Variants in FGGY observed in about 807,000 individuals in gnomAD.
FGGY encodes FGGY carbohydrate kinase domain containing, also known as FGGY carbohydrate kinase domain-containing protein.
A neutral mutation model predicts 71.3 loss-of-function variants in FGGY; 72 were observed. The observed-to-expected ratio is 1.01, with a 90% CI of 0.84 to 1.23. The LOEUF is 1.23. FGGY is among the 50% of genes most tolerant of loss of function. The probability of loss-of-function intolerance (pLI) is 0.00; values close to 1 mark genes in which losing one functional copy is unlikely to be tolerated. For synonymous variants in FGGY, 251 were observed against 250.3 expected, an observed-to-expected ratio of 1.00 and a Z score of -0.02; for missense variants, 668 against 682.3, an observed-to-expected ratio of 0.98 and a Z score of 0.23.
intron 7 of FGGY, among the ~76,000 whole-genome samples, chr1:59,531,961 A>G (rs2095156801): frequency 6.6e-6 from 1 of 152,230 alleles, no homozygotes; most frequent in Non-Finnish European, 1.5e-5. Flanking sequence ...AGTTATAACT[A>G]AAAGGTTTCA....
At chr1:59,710,366 C>A in intron 14 of FGGY, among the ~76,000 whole-genome samples, 1 of 152,102 alleles carries the variant, frequency 6.6e-6, no homozygotes. Flanking sequence ...CTAGGCAATA[C>A]CATTCAGGAC....
At chr1:59,356,712 G>T (rs2054385095) in intron 4 of FGGY, among the ~76,000 whole-genome samples, 1 of 152,146 alleles carries the variant, frequency 6.6e-6, no homozygotes, top group Non-Finnish European at 1.5e-5. Context: ...AAGGTTCACT[G>T]TATGCCCAAC....
chr1:59,668,214 G>T (rs1016356952), intron 13 of FGGY, among the ~76,000 whole-genome samples: 8 of 152,260 alleles, frequency 5.3e-5, no homozygotes, highest in Non-Finnish European at 1.2e-4. Context: ...TTCTGTTGTC[G>T]CAGAGAGTGG....
intron 14 of FGGY, among the ~76,000 whole-genome samples, chr1:59,720,434 A>G (rs1296608576): frequency 1.3e-5 from 2 of 152,240 alleles, no homozygotes; most frequent in Non-Finnish European, 2.9e-5. Context: ...AAATGAAATG[A>G]GAGGTTGAGC....
chr1:59,315,271 CT>C (rs34866411), intron 1 of FGGY, among the ~76,000 whole-genome samples: 54,292 of 149,848 alleles, frequency 0.36, 9,819 homozygotes, highest in East Asian at 0.44. Flanking sequence ...TATATGTCTG[CT>C]TTTTTTTTTC....
At chr1:59,436,914 G>C (rs1429167382) in intron 5 of FGGY, among the ~76,000 whole-genome samples, 1 of 152,192 alleles carries the variant, frequency 6.6e-6, no homozygotes, top group East Asian at 1.9e-4. Context: ...AAGGTCAGGA[G>C]GTGGGTGTTT....
At chr1:59,359,667 TCCTGTCTCTCTGAATCCTCCCTG>T (rs2055033622) in intron 4 of FGGY, among the ~76,000 whole-genome samples, 1 of 152,170 alleles carries the variant, frequency 6.6e-6, no homozygotes, top group Non-Finnish European at 1.5e-5. Flanking sequence ...CTATAAAGGC[TCCTGTCTCTCTGAATCCTCCCTG>T]TATGGAGAGG....
chr1:59,582,694 C>G (rs180825367), intron 8 of FGGY, among the ~76,000 whole-genome samples: 1 of 150,150 alleles, frequency 6.7e-6, no homozygotes, highest in Non-Finnish European at 1.5e-5. Context: ...TGTCATGGTG[C>G]GTATCCTTCT....
intron 4 of FGGY, among the ~76,000 whole-genome samples, chr1:59,371,595 A>C (rs2057648993): frequency 6.6e-6 from 1 of 152,226 alleles, no homozygotes; most frequent in African/African-American, 2.4e-5. Context: ...CCAAATCAAC[A>C]GAATATACAT....
intron 6 of FGGY, among the ~76,000 whole-genome samples, chr1:59,481,620 T>C (rs1489137613): frequency 6.6e-6 from 1 of 152,196 alleles, no homozygotes; most frequent in East Asian, 1.9e-4. Context: ...GTTGACTCTT[T>C]AGCTGTCAAC....
chr1:59,344,679 C>T (rs2051439491), intron 3 of FGGY, among the ~76,000 whole-genome samples: 1 of 152,124 alleles, frequency 6.6e-6, no homozygotes, highest in Non-Finnish European at 1.5e-5. Flanking sequence ...TGCGTATAAC[C>T]TATGTACGTC....
intron 5 of FGGY, among the ~76,000 whole-genome samples, chr1:59,421,082 T>C (rs185248384): frequency 1.3e-5 from 2 of 152,260 alleles, no homozygotes; most frequent in East Asian, 3.9e-4. Context: ...GAATACACTC[T>C]AGCCTAAAAA....
intron 8 of FGGY, among the ~76,000 whole-genome samples, chr1:59,606,330 C>A (rs1033726576): frequency 1.3e-5 from 2 of 152,044 alleles, no homozygotes; most frequent in Non-Finnish European, 2.9e-5. Context: ...ACCTCTGTAC[C>A]CTTCCACTTG....
At chr1:59,609,753 A>G (rs961540629) in intron 9 of FGGY, among the ~76,000 whole-genome samples, 1 of 152,272 alleles carries the variant, frequency 6.6e-6, no homozygotes, top group African/African-American at 2.4e-5. Flanking sequence ...CCTATTTTAT[A>G]CATGACTGCC....
intron 14 of FGGY, among the ~76,000 whole-genome samples, chr1:59,754,250 C>CA (rs369061970): frequency 8.9e-4 from 136 of 152,342 alleles, no homozygotes; most frequent in African/African-American, 3.1e-3. Flanking sequence ...TCATAAGGCA[C>CA]ATCATAGATT....
chr1:59,467,610 G>C (rs1404429962), intron 6 of FGGY, among the ~76,000 whole-genome samples: 1 of 151,318 alleles, frequency 6.6e-6, no homozygotes, highest in Non-Finnish European at 1.5e-5. Context: ...TTTTATTATA[G>C]AGTTACTACA....
chr1:59,582,119 G>A (rs1025057149), intron 8 of FGGY, among the ~76,000 whole-genome samples: 3 of 149,254 alleles, frequency 2.0e-5, no homozygotes, highest in Admixed American at 2.0e-4. Flanking sequence ...GGTGGTGGTG[G>A]GTACCTGTAG....
chr1:59,381,662 TG>T (rs2059473812), intron 5 of FGGY, among the ~76,000 whole-genome samples: 1 of 150,940 alleles, frequency 6.6e-6, no homozygotes, highest in Non-Finnish European at 1.5e-5. Flanking sequence ...TGTGTGTGTG[TG>T]TGTGTGTATA....
At chr1:59,711,367 C>T (rs1021036448) in intron 14 of FGGY, among the ~76,000 whole-genome samples, 6 of 152,068 alleles carry the variant, frequency 3.9e-5, no homozygotes, top group African/African-American at 1.2e-4. Context: ...TACAGCAAAC[C>T]ACCATGACAC....
Sources: gnomAD v4.1 joint callset for allele counts (sites outside exome capture counted in the v4.1 genomes callset) on GRCh38, gnomAD v4.1.1 for gene constraint, MANE v1.5 for transcripts, NCBI Gene and HGNC (gene_info 2026-07-23, HGNC 2026-07-21) for gene names.